Variants in USP9X observed in about 807,000 individuals in gnomAD.
USP9X encodes the protein ubiquitin carboxyl-terminal hydrolase 9X.
In USP9X, 7 loss-of-function variants were observed where a neutral mutation model predicts 190.3. The observed-to-expected ratio is 0.04, with a 90% confidence interval of 0.02 to 0.07. The LOEUF is 0.07. Ranked by LOEUF, USP9X falls within the 10% of genes least tolerant of loss-of-function variation. USP9X has a pLI of 1.00. For synonymous variants in USP9X, 645 were observed against 659.5 expected (o/e 0.98, Z 0.34); for missense variants, 1,010 against 1,916.9 (o/e 0.53, Z 8.83).
chrX:41,154,339 T>A (rs1215206415), intron 14 of USP9X, among the ~76,000 whole-genome samples: 5 of 111,907 alleles, frequency 4.5e-5, no homozygotes, highest in Non-Finnish European at 9.4e-5. Context: ...TTATGTGTAG[T>A]ATACCCAAGC....
chrX:41,218,330 G>A, intron 36 of USP9X, 42 bp from the exon 37 acceptor site: 1 of 1,164,361 alleles, frequency 8.6e-7, no homozygotes, highest in Non-Finnish European at 1.2e-6. Context: ...TAGAGAACAA[G>A]TTATTGACTT....
intron 9 of USP9X, among the ~76,000 whole-genome samples, chrX:41,142,274 T>A (rs1374248458): frequency 9.0e-6 from 1 of 111,708 alleles, no homozygotes; most frequent in African/African-American, 3.3e-5. Flanking sequence ...CAGTCCTAGA[T>A]AGGACAGAGA....
At chrX:41,210,981 CT>C (rs1174791477) in intron 33 of USP9X, among the ~76,000 whole-genome samples, 1 of 107,815 alleles carries the variant, frequency 9.3e-6, no homozygotes, top group Non-Finnish European at 1.9e-5. Flanking sequence ...TTTCCTTTCT[CT>C]TTTTTTTTCT....
chrX:41,205,632 G>T, intron 32 of USP9X, 139 bp downstream of exon 32: 1 of 485,373 alleles, frequency 2.1e-6, no homozygotes, highest in Non-Finnish European at 2.9e-6. Flanking sequence ...TAATTGGGTG[G>T]GTTTTTTTTT....
chrX:41,181,435 CTTTTTTTTTTTT>C (rs200403625), intron 21 of USP9X, among the ~76,000 whole-genome samples: 5 of 38,575 alleles, frequency 1.3e-4, no homozygotes, highest in African/African-American at 3.5e-4. Context: ...CCACACCTGA[CTTTTTTTTTTTT>C]TTTTTTTTTT....
chrX:41,148,308 G>A lies in USP9X; in HGVS notation c.1420-61G>A. 6 of 1,135,861 alleles carry A rather than the reference G, an allele frequency of 5.3e-6. No homozygotes were observed. The Admixed American group carries it at 1.3e-4, about 25-fold the overall frequency. 93.6% of individuals were successfully genotyped at this position (1,135,861 alleles called of 1,213,427 possible). A position where few individuals can be genotyped will look rare whatever the true frequency, so the allele number is the denominator to read the frequency against. On this transcript the variant is annotated intron_variant, in intron 11 of 44. Coordinates refer to ENST00000378308, the MANE Select transcript of USP9X (RefSeq NM_001039591.3). ...TGAATTTGAATATAGTTAACCTGGT[G>A]ACAATTTATGAAGTGGTGACTAAAT...
At chrX:41,231,487 GA>G (rs2063359120) in intron 44 of USP9X, among the ~76,000 whole-genome samples, 1 of 111,199 alleles carries the variant, frequency 9.0e-6, no homozygotes, top group African/African-American at 3.3e-5. Context: ...CAACACTTTG[GA>G]AGGCTGAGGC....
intron 32 of USP9X, among the ~76,000 whole-genome samples, chrX:41,206,585 C>T (rs999674113): frequency 9.0e-6 from 1 of 110,500 alleles, no homozygotes; most frequent in Non-Finnish European, 1.9e-5. Flanking sequence ...TCTTGGTCAC[C>T]TGCATCTTCT....
chrX:41,122,394 C>G (rs2062197910), intron 1 of USP9X, among the ~76,000 whole-genome samples: 1 of 112,148 alleles, frequency 8.9e-6, no homozygotes. Flanking sequence ...GTTGTGCGGC[C>G]TGCCTTGAAA....
chrX:41,118,008 C>T (rs1023480528), intron 1 of USP9X, among the ~76,000 whole-genome samples: 3 of 111,243 alleles, frequency 2.7e-5, no homozygotes, highest in African/African-American at 9.8e-5. Context: ...CAGGTGTGCG[C>T]CACCACGCCC....
chrX:41,207,588 A>G (rs945416475), intron 32 of USP9X, among the ~76,000 whole-genome samples: 2 of 111,704 alleles, frequency 1.8e-5, no homozygotes, highest in Admixed American at 9.5e-5. Context: ...TAAAATAACT[A>G]CAGTACAACC....
intron 6 of USP9X, among the ~76,000 whole-genome samples, chrX:41,139,398 C>G (rs1286984799): frequency 8.9e-6 from 1 of 112,432 alleles, no homozygotes; most frequent in African/African-American, 3.2e-5. Flanking sequence ...AGGTGGCTCA[C>G]GCCTGTAATC....
intron 20 of USP9X, 86 bp downstream of exon 20, chrX:41,170,705 T>G: frequency 2.1e-6 from 2 of 943,291 alleles, no homozygotes; most frequent in Non-Finnish European, 2.8e-6. Context: ...GTTCTTTCTT[T>G]TCTTGAGGAG....
intron 1 of USP9X, among the ~76,000 whole-genome samples, chrX:41,099,319 G>T (rs1231965281): frequency 9.1e-6 from 1 of 109,327 alleles, no homozygotes; most frequent in Non-Finnish European, 1.9e-5. Flanking sequence ...GTCTTTTGGT[G>T]GTCTTTTGCT....
chrX:41,174,984 G>GA (rs928826605), intron 21 of USP9X, among the ~76,000 whole-genome samples: 32 of 105,931 alleles, frequency 3.0e-4, no homozygotes, highest in African/African-American at 6.5e-4. Flanking sequence ...TCTGTCTGAA[G>GA]AAAAAAAAAA....
At position 41,184,088 on chromosome X, in the gene USP9X, T is replaced by C. The variant is rs2147157524; in HGVS notation, c.3239T>C (p.Phe1080Ser). The C allele has an allele frequency of 8.3e-7, 1 of 1,210,513 alleles. No individual in the cohort carries two copies. The highest frequency in any genetic ancestry group is 3.0e-5 in the East Asian group (1 of 33,765). Residue 1080 changes from phenylalanine (F) to serine (S), a missense_variant, in exon 22 of 45, where the codon TTC becomes TCC. Around this residue, in one of 11 missense-constraint regions of USP9X, gnomAD observed 351 missense variants for 480.8 expected, o/e 0.73. Transcript: ENST00000378308. ...SSLSPSLDSL[F>S]FGPSASQVLY... ...CTTAGTCCATCTCTTGACTCACTTT[T>C]CTTTGGTCCTTCAGCCTCACAAGTG...
Position 41,143,350 on chromosome X carries a change from A to G in USP9X, c.1221A>G (p.Pro407=), listed in dbSNP as rs759557152. Residue 407 remains proline (P), a synonymous_variant, in exon 10 of 45, where the codon CCA becomes CCG. Coordinates refer to ENST00000378308, the MANE Select transcript of USP9X (RefSeq NM_001039591.3). ...SIVLRDSLHQ[P]QYVEKLEKIL... ...TGTTGCGAGATAGTCTTCATCAGCC[A>G]CAGTATGTAGAAAAGTTAGAGAAGA... 1 of 1,204,556 alleles carries G rather than the reference A, an allele frequency of 8.3e-7. No homozygotes were observed. Among genetic ancestry groups the G allele is most frequent in the South Asian group, 1.8e-5 (1 of 55,767 alleles).
intron 12 of USP9X, among the ~76,000 whole-genome samples, chrX:41,150,423 G>A (rs1304030873): frequency 9.0e-6 from 1 of 111,408 alleles, no homozygotes; most frequent in Non-Finnish European, 1.9e-5. Context: ...TGATTTTGGC[G>A]ATTATTTTTA....
chrX:41,147,761 C>T (rs987001382), intron 11 of USP9X, among the ~76,000 whole-genome samples: 1 of 112,199 alleles, frequency 8.9e-6, no homozygotes, highest in African/African-American at 3.2e-5. Flanking sequence ...TCAGCTTAAT[C>T]GTTCTTCTGC....
Sources: allele counts gnomAD v4.1 joint callset (sites outside exome capture counted in the v4.1 genomes callset), GRCh38; gene constraint gnomAD v4.1.1; regional missense constraint gnomAD v4.1.1; transcripts MANE v1.5; gene names NCBI Gene and HGNC (gene_info 2026-07-23, HGNC 2026-07-21).